MAGI1: variants seen among roughly 807,000 people sequenced by gnomAD.
MAGI1 encodes membrane-associated guanylate kinase, WW and PDZ domain-containing protein 1.
Under a neutral mutation model 139.9 loss-of-function variants are expected in MAGI1, and 58 were observed. That is an observed-to-expected ratio of 0.41 (90% CI 0.34 to 0.52). The LOEUF (loss-of-function observed/expected upper bound fraction) is 0.52, where lower values mean the gene tolerates loss of function less well. Among genes scored for constraint, MAGI1 ranks in the 20% least tolerant of loss-of-function variants. The pLI is 0.12. For synonymous variants in MAGI1, 812 were observed against 737.9 expected, an observed-to-expected ratio of 1.10 and a Z score of -1.63; for missense variants, 1,874 against 1,901.6, an observed-to-expected ratio of 0.99 and a Z score of 0.27.
At chr3:65,798,688 C>T (rs905187091) in intron 1 of MAGI1, among the ~76,000 whole-genome samples, 1 of 152,190 alleles carries the variant, frequency 6.6e-6, no homozygotes, top group Non-Finnish European at 1.5e-5. Context: ...ACTACAGCTA[C>T]AGTAGTCCCC....
intron 13 of MAGI1, among the ~76,000 whole-genome samples, chr3:65,391,847 T>C (rs1314393773): frequency 6.6e-6 from 1 of 152,194 alleles, no homozygotes; most frequent in Non-Finnish European, 1.5e-5. Context: ...AAGAGTTTGC[T>C]ATCCATTCTT....
At chr3:65,587,966 T>C (rs949663906) in intron 2 of MAGI1, among the ~76,000 whole-genome samples, 1 of 152,138 alleles carries the variant, frequency 6.6e-6, no homozygotes, top group Non-Finnish European at 1.5e-5. Flanking sequence ...TTGGGATCCA[T>C]CTGGATCTCA....
intron 2 of MAGI1, among the ~76,000 whole-genome samples, chr3:65,542,338 T>C (rs2079273087): frequency 6.6e-6 from 1 of 152,182 alleles, no homozygotes. Flanking sequence ...AAAATGGCCA[T>C]ACTTTTCAAA....
chr3:65,930,902 C>G (rs2062777020), intron 1 of MAGI1, among the ~76,000 whole-genome samples: 1 of 152,170 alleles, frequency 6.6e-6, no homozygotes, highest in African/African-American at 2.4e-5. Context: ...ATTGCCCGCC[C>G]CTTTCCTGGA....
At chr3:66,002,290 A>G (rs1316288642) in intron 1 of MAGI1, among the ~76,000 whole-genome samples, 2 of 152,200 alleles carry the variant, frequency 1.3e-5, no homozygotes, top group African/African-American at 4.8e-5. Context: ...TCTATAATAA[A>G]TAATTCCCTG....
chr3:65,730,903 G>T (rs2034119838), intron 1 of MAGI1, among the ~76,000 whole-genome samples: 1 of 142,038 alleles, frequency 7.0e-6, no homozygotes. Flanking sequence ...ACCCCCCCGG[G>T]GTTTTTGTTT....
chr3:65,388,431 G>A (rs1169926647), intron 14 of MAGI1, among the ~76,000 whole-genome samples: 1 of 152,062 alleles, frequency 6.6e-6, no homozygotes, highest in African/African-American at 2.4e-5. Context: ...CTTGGGGGGA[G>A]GGGGCAGGGA....
intron 2 of MAGI1, among the ~76,000 whole-genome samples, chr3:65,550,161 G>C (rs1001288362): frequency 3.3e-5 from 5 of 152,048 alleles, no homozygotes; most frequent in African/African-American, 1.2e-4. Context: ...TTTCTATCCT[G>C]GTCCTACTCT....
chr3:66,003,953 A>C (rs2066884385), intron 1 of MAGI1: 1 of 152,174 alleles, frequency 6.6e-6, no homozygotes, highest in Admixed American at 6.5e-5. Context: ...TTATTTGTTT[A>C]TAATAATAGT....
intron 2 of MAGI1, among the ~76,000 whole-genome samples, chr3:65,521,621 T>G (rs761999136): frequency 2.0e-5 from 3 of 152,314 alleles, no homozygotes; most frequent in Middle Eastern, 3.4e-3. Flanking sequence ...AATGTAAATA[T>G]GCATACCTGA....
At chr3:65,537,735 T>C (rs1003084136) in intron 2 of MAGI1, among the ~76,000 whole-genome samples, 7 of 152,150 alleles carry the variant, frequency 4.6e-5, no homozygotes, top group African/African-American at 1.2e-4. Context: ...AAGGAAACAA[T>C]TGTTATTTAA....
chr3:66,014,002 A>C (rs1398325741), intron 1 of MAGI1, among the ~76,000 whole-genome samples: 2 of 152,162 alleles, frequency 1.3e-5, no homozygotes, highest in Non-Finnish European at 2.9e-5. Flanking sequence ...ATAATGTATC[A>C]GGGCCATCTT....
chr3:65,705,315 G>A (rs947928344), intron 1 of MAGI1, among the ~76,000 whole-genome samples: 5 of 152,154 alleles, frequency 3.3e-5, no homozygotes, highest in African/African-American at 1.2e-4. Context: ...GCACACCAAG[G>A]CCAGCTATGA....
chr3:65,468,987 A>AAATAAATAAATG (rs1417371368), intron 5 of MAGI1, among the ~76,000 whole-genome samples: 9 of 151,292 alleles, frequency 5.9e-5, no homozygotes, highest in East Asian at 1.9e-4. Flanking sequence ...ATAAATAAAT[A>AAATAAATAAATG]AATGTGTGTA....
At chr3:65,652,847 C>G (rs1441924596) in intron 1 of MAGI1, among the ~76,000 whole-genome samples, 1 of 152,172 alleles carries the variant, frequency 6.6e-6, no homozygotes, top group African/African-American at 2.4e-5. Context: ...GGAAGGCTGA[C>G]ACCAATGACC....
intron 21 of MAGI1, among the ~76,000 whole-genome samples, chr3:65,362,075 T>C (rs1487074505): frequency 6.6e-6 from 1 of 152,196 alleles, no homozygotes; most frequent in Non-Finnish European, 1.5e-5. Context: ...AGAGGAGGAA[T>C]GGCACTGGCT....
chr3:65,745,092 A>G (rs1192112891), intron 1 of MAGI1, among the ~76,000 whole-genome samples: 2 of 152,146 alleles, frequency 1.3e-5, no homozygotes, highest in Non-Finnish European at 2.9e-5. Context: ...TTAACTTAGC[A>G]TAATGTTTTC....
At chr3:65,584,677 T>C (rs918816374) in intron 2 of MAGI1, among the ~76,000 whole-genome samples, 2 of 152,136 alleles carry the variant, frequency 1.3e-5, no homozygotes, top group Non-Finnish European at 2.9e-5. Flanking sequence ...GGTACAAAGA[T>C]TATCAATGAC....
chr3:65,758,994 C>A (rs2036780330), intron 1 of MAGI1, among the ~76,000 whole-genome samples: 1 of 139,158 alleles, frequency 7.2e-6, no homozygotes, highest in Admixed American at 8.0e-5. Flanking sequence ...TCCTTGCAAG[C>A]TTTCTCATAT....
Sources: allele counts gnomAD v4.1 joint callset (sites outside exome capture counted in the v4.1 genomes callset), GRCh38; gene constraint gnomAD v4.1.1; transcripts MANE v1.5; gene names NCBI Gene and HGNC (gene_info 2026-07-23, HGNC 2026-07-21).